The following ARRB1 variants were observed in gnomAD, a reference collection of about 807,000 sequenced individuals.
ARRB1 encodes the protein arrestin beta 1, also known as beta-arrestin-1.
In ARRB1, 21 loss-of-function variants were observed where a neutral mutation model predicts 56.8. The observed-to-expected ratio is 0.37, with a 90% CI of 0.26 to 0.53. The LOEUF is 0.53. ARRB1 is among the 20% of genes least tolerant of loss of function. The probability of loss-of-function intolerance (pLI) is 0.88; values close to 1 mark genes in which losing one functional copy is unlikely to be tolerated. For missense variants in ARRB1, 424 were observed against 553.7 expected, an observed-to-expected ratio of 0.77 and a Z score of 2.35; for synonymous variants, 210 against 218.6, an observed-to-expected ratio of 0.96 and a Z score of 0.35.
At chr11:75,338,012 C>T (rs1395449003) in intron 1 of ARRB1, among the ~76,000 whole-genome samples, 1 of 151,928 alleles carries the variant, frequency 6.6e-6, no homozygotes, top group Non-Finnish European at 1.5e-5. Context: ...AAGAGATCGG[C>T]TTGAGCAAAG....
chr11:75,284,163 G>T, intron 4 of ARRB1, 72 bp downstream of exon 4: 1 of 1,464,746 alleles, frequency 6.8e-7, no homozygotes, highest in Non-Finnish European at 9.3e-7. Context: ...TGGGCAGGGA[G>T]TTCCTATGCT....
At chr11:75,295,327 C>A (rs1036082096) in intron 1 of ARRB1, among the ~76,000 whole-genome samples, 1 of 151,938 alleles carries the variant, frequency 6.6e-6, no homozygotes, top group Non-Finnish European at 1.5e-5. Flanking sequence ...ATCAAGGTAC[C>A]CACAGGGCTG....
chr11:75,281,215 C>A, intron 6 of ARRB1, 73 bp from the exon 7 acceptor site: 1 of 1,424,104 alleles, frequency 7.0e-7, no homozygotes, highest in Non-Finnish European at 9.7e-7. Flanking sequence ...GCCCACCTCT[C>A]ATTTTACAAA....
At chr11:75,290,884 C>T (rs531547714) in intron 1 of ARRB1, among the ~76,000 whole-genome samples, 7 of 152,300 alleles carry the variant, frequency 4.6e-5, no homozygotes, top group South Asian at 2.1e-4. Flanking sequence ...AGATTACAGG[C>T]GTGAGCCACC....
At chr11:75,349,312 G>A (rs1333880352) in intron 1 of ARRB1, among the ~76,000 whole-genome samples, 1 of 152,178 alleles carries the variant, frequency 6.6e-6, no homozygotes, top group African/African-American at 2.4e-5. Context: ...GCCCTAAAAT[G>A]TAAGTATTGA....
intron 1 of ARRB1, among the ~76,000 whole-genome samples, chr11:75,337,273 A>G (rs1198087555): frequency 6.6e-6 from 1 of 152,200 alleles, no homozygotes; most frequent in Non-Finnish European, 1.5e-5. Context: ...CAACACAGTG[A>G]GACCCCATCT....
At chr11:75,344,387 T>C (rs560050387) in intron 1 of ARRB1, among the ~76,000 whole-genome samples, 2 of 152,260 alleles carry the variant, frequency 1.3e-5, no homozygotes, top group South Asian at 4.1e-4. Flanking sequence ...ACAGGGAAAC[T>C]AGGACCCAGA....
At chr11:75,271,817 C>T (rs772912852) in intron 12 of ARRB1, 93 bp from the exon 13 acceptor site, 84 of 1,394,124 alleles carry the variant, frequency 6.0e-5, no homozygotes, top group Non-Finnish European at 7.4e-5. Flanking sequence ...TTCTGCTGTC[C>T]CCCGGATAGA....
In ARRB1 at chr11:75,318,147, C is replaced by CTT. The variant is rs547084580; in HGVS notation, c.21-28110_21-28109dup. 3.3e-4 allele frequency among the ~76,000 whole-genome samples: 25 copies of CTT among 76,908 alleles called. 1 individual carries two copies. The highest frequency in any genetic ancestry group is 6.8e-4 in the African/African-American group (12 of 17,576). The allele number at this position is 76,908 out of a possible 152,430, so 50.5% of individuals were successfully genotyped here. Reference sequence around the variant, plus strand: ...TCGGCCTGGGAATAAGCATTTCTAACTTTTTTTTTTTTTTTTTTTTTTTTT... The same window carrying CTT: ...TCGGCCTGGGAATAAGCATTTCTAACTTTTTTTTTTTTTTTTTTTTTTTTTTT... On this transcript the variant is annotated intron_variant, in intron 1 of 15. Coordinates refer to ENST00000420843, the MANE Select transcript of ARRB1 (RefSeq NM_004041.5).
At chr11:75,278,567 G>A in intron 8 of ARRB1, 42 bp downstream of exon 8, 1 of 1,612,684 alleles carries the variant, frequency 6.2e-7, no homozygotes, top group Non-Finnish European at 8.5e-7. Flanking sequence ...CCCAGGCCCT[G>A]GTGGAGCAGC....
At chr11:75,296,185 C>CAAAAA (rs11428462) in intron 1 of ARRB1, among the ~76,000 whole-genome samples, 139 of 84,394 alleles carry the variant, frequency 1.6e-3, no homozygotes, top group African/African-American at 2.8e-3. Context: ...GACTTTGTCT[C>CAAAAA]AAAAAAAAAA....
chr11:75,329,515 C>A (rs1323772698), intron 1 of ARRB1, among the ~76,000 whole-genome samples: 1 of 152,108 alleles, frequency 6.6e-6, no homozygotes. Context: ...CCTTGCAGAG[C>A]CCCTCCTGTT....
rs1233399143 is a variant in ARRB1, at chr11:75,263,676, C to A, written c.*2487G>T. On this transcript the variant is annotated 3_prime_UTR_variant, in exon 16 of 16. Coordinates refer to ENST00000420843, the MANE Select transcript of ARRB1 (RefSeq NM_004041.5). ...ACTTGGCATAGAGCTGAGTCATCAGCAAAGGATGGTAGGCTGAATTCAACT... is the reference window on the plus strand; with the variant it reads ...ACTTGGCATAGAGCTGAGTCATCAGAAAAGGATGGTAGGCTGAATTCAACT... Among the ~76,000 whole-genome samples, 1 of 150,174 alleles carries A rather than the reference C, an allele frequency of 6.7e-6. No individual in the cohort carries two copies. The highest frequency in any genetic ancestry group is 2.5e-5 in the African/African-American group (1 of 40,704).
At chr11:75,301,533 G>A (rs1026999872) in intron 1 of ARRB1, among the ~76,000 whole-genome samples, 2 of 152,136 alleles carry the variant, frequency 1.3e-5, no homozygotes, top group African/African-American at 4.8e-5. Flanking sequence ...GCCATATTTT[G>A]GACCCAGAGA....
chr11:75,316,418 AG>A (rs1334197614), intron 1 of ARRB1, among the ~76,000 whole-genome samples: 23 of 152,340 alleles, frequency 1.5e-4, no homozygotes, highest in South Asian at 1.0e-3. Flanking sequence ...AATTAAAGGA[AG>A]GGGCCAGCAC....
rs1021717463 is a variant in ARRB1 at position 75,312,005 on chromosome 11, G to C, written c.21-21966C>G. The C allele has an allele frequency of 3.1e-6, 4 of 1,278,890 alleles. No homozygotes were observed. In the African/African-American group the frequency reaches 6.1e-5, roughly 20 times the overall value. The allele number at this position is 1,278,890 out of a possible 1,614,324, so 79.2% of individuals were successfully genotyped here. A position where few individuals can be genotyped will look rare whatever the true frequency, so the allele number is the denominator to read the frequency against. ...GGCTGGGAAAAAGCTGACCGTTCTCGAAGGCCCAGATCGGAGGCCCTGCCC... is the reference window on the plus strand; with the variant it reads ...GGCTGGGAAAAAGCTGACCGTTCTCCAAGGCCCAGATCGGAGGCCCTGCCC... On this transcript the variant is annotated intron_variant, in intron 1 of 15. Transcript: ENST00000420843.
At chr11:75,350,556 G>A (rs1219091564) in intron 1 of ARRB1, among the ~76,000 whole-genome samples, 2 of 152,192 alleles carry the variant, frequency 1.3e-5, no homozygotes, top group South Asian at 2.1e-4. Context: ...GCTGCCCCCA[G>A]GGGCTGTCCT....
intron 3 of ARRB1, among the ~76,000 whole-genome samples, chr11:75,286,158 C>T (rs1325049863): frequency 1.3e-5 from 2 of 151,120 alleles, no homozygotes; most frequent in East Asian, 3.9e-4. Context: ...GCTTCCTTGG[C>T]TCAGGAACCA....
chr11:75,303,095 G>A (rs1395625260), intron 1 of ARRB1, among the ~76,000 whole-genome samples: 1 of 151,962 alleles, frequency 6.6e-6, no homozygotes, highest in Non-Finnish European at 1.5e-5. Context: ...TCCGCCTCCT[G>A]GGCTCAAGCA....
Sources: gnomAD v4.1 joint callset for allele counts (sites outside exome capture counted in the v4.1 genomes callset) on GRCh38, gnomAD v4.1.1 for gene constraint, MANE v1.5 for transcripts, NCBI Gene and HGNC (gene_info 2026-07-23, HGNC 2026-07-21) for gene names.